ZFAND1: variants seen among roughly 807,000 people sequenced by gnomAD.
ZFAND1 encodes zinc finger AN1-type containing 1.
In ZFAND1, 40 loss-of-function variants were observed where a neutral mutation model predicts 38.5. The observed-to-expected ratio is 1.04, with a 90% CI of 0.81 to 1.35. The LOEUF is 1.35. Ranked by LOEUF, ZFAND1 falls within the 40% of genes most tolerant of loss-of-function variation. The pLI, the probability that ZFAND1 is intolerant of heterozygous loss-of-function variation, is 0.00. For missense variants in ZFAND1, 346 were observed against 316.3 expected, an observed-to-expected ratio of 1.09 and a Z score of -0.71; for synonymous variants, 117 against 103.6, an observed-to-expected ratio of 1.13 and a Z score of -0.78.
At position 81,721,260 on chromosome 8, in the gene ZFAND1, G is replaced by C; in HGVS notation, c.22C>G (p.Gln8Glu). 6.5e-7 allele frequency: 1 copy of C among 1,549,310 alleles called. No individual in the cohort carries two copies. The highest frequency in any genetic ancestry group is 8.7e-7 in the Non-Finnish European group (1 of 1,147,200). MAELDIG[Q>E]HCQVEHCRQR... The stretch of plus-strand genomic sequence containing the variant: ...CGGCAATGCTCCACCTGGCAGTGCT[G>C]CCCGATGTCCAACTCCGCCATCTCT... The change falls in exon 1 of 8, where the codon CAG (glutamine) becomes GAG (glutamate). Residue 8 changes from glutamine (Q) to glutamate (E), a missense_variant. Coordinates refer to ENST00000220669, the MANE Select transcript of ZFAND1 (RefSeq NM_024699.3).
intron 6 of ZFAND1, among the ~76,000 whole-genome samples, chr8:81,713,253 G>A (rs1053243137): frequency 7.1e-5 from 7 of 98,216 alleles, no homozygotes; most frequent in African/African-American, 2.2e-4. Flanking sequence ...GTCCCGAGTA[G>A]CTGGGACTAC....
intron 6 of ZFAND1, among the ~76,000 whole-genome samples, chr8:81,706,709 A>T (rs73694710): frequency 0.056 from 8,554 of 152,120 alleles, 355 homozygotes; most frequent in African/African-American, 0.11. Context: ...GTTAATGAGG[A>T]ATAATTTTTA....
chr8:81,709,980 T>C (rs771526375), intron 6 of ZFAND1, among the ~76,000 whole-genome samples: 3 of 152,242 alleles, frequency 2.0e-5, no homozygotes, highest in Non-Finnish European at 4.4e-5. Flanking sequence ...AATAGAAGAA[T>C]TGCAAAGTAA....
At chr8:81,709,996 G>C (rs1808091466) in intron 6 of ZFAND1, among the ~76,000 whole-genome samples, 1 of 152,204 alleles carries the variant, frequency 6.6e-6, no homozygotes, top group Non-Finnish European at 1.5e-5. Context: ...AGTAATGTAA[G>C]TATTACTGAA....
rs1807825830 is a variant in ZFAND1, at chr8:81,701,958, A to T, written c.*737T>A. On this transcript the variant is annotated 3_prime_UTR_variant, in exon 8 of 8. Transcript: ENST00000220669. ...CTTTGGTATATAATGAAGTTGAGCT[A>T]TCCCATCTTTCTTCTCTATGGAATA... 1 of 152,234 alleles carries T rather than the reference A, an allele frequency of 6.6e-6. No individual in the cohort carries two copies. The highest frequency in any genetic ancestry group is 2.4e-5 in the African/African-American group (1 of 41,468). 9.4% of individuals were successfully genotyped at this position (152,234 alleles called of 1,614,324 possible). A position where few individuals can be genotyped will look rare whatever the true frequency, so the allele number is the denominator to read the frequency against.
intron 6 of ZFAND1, among the ~76,000 whole-genome samples, 162 bp from the exon 7 acceptor site, chr8:81,703,286 TG>T (rs1340909258): frequency 6.6e-6 from 1 of 152,106 alleles, no homozygotes. Flanking sequence ...CACACATAAA[TG>T]CATGGGCATA....
intron 6 of ZFAND1, among the ~76,000 whole-genome samples, chr8:81,705,143 CAG>C (rs1203640733): frequency 6.6e-6 from 1 of 152,082 alleles, no homozygotes; most frequent in Admixed American, 6.5e-5. Flanking sequence ...TGCTCGGAAG[CAG>C]AGGAGTGTGT....
At chr8:81,707,877 C>T (rs1808027957) in intron 6 of ZFAND1, among the ~76,000 whole-genome samples, 1 of 151,960 alleles carries the variant, frequency 6.6e-6, no homozygotes, top group Non-Finnish European at 1.5e-5. Context: ...GCAAAACTAC[C>T]TAAACAACTG....
At chr8:81,717,801 G>C (rs989218002) in intron 2 of ZFAND1, among the ~76,000 whole-genome samples, 2 of 151,930 alleles carry the variant, frequency 1.3e-5, no homozygotes, top group South Asian at 4.1e-4. Flanking sequence ...GTTTTACTTG[G>C]CATGTAATGT....
intron 3 of ZFAND1, among the ~76,000 whole-genome samples, chr8:81,715,848 T>C (rs1808292936): frequency 6.6e-6 from 1 of 152,182 alleles, no homozygotes; most frequent in Non-Finnish European, 1.5e-5. Context: ...TAATGATGTT[T>C]CAATATTTAA....
intron 2 of ZFAND1, 49 bp downstream of exon 2, chr8:81,718,133 T>C: frequency 7.1e-7 from 1 of 1,417,708 alleles, no homozygotes. Flanking sequence ...AACCTCATAT[T>C]AATAAACACT....
chr8:81,712,837 C>T (rs986892443), intron 6 of ZFAND1, among the ~76,000 whole-genome samples: 4 of 152,034 alleles, frequency 2.6e-5, no homozygotes, highest in African/African-American at 9.7e-5. Flanking sequence ...ATAATTTCAC[C>T]GAACAGGGCA....
chr8:81,702,657 A>C lies in ZFAND1; in HGVS notation c.*38T>G. On this transcript the variant is annotated 3_prime_UTR_variant, in exon 8 of 8. Coordinates refer to ENST00000220669, the MANE Select transcript of ZFAND1 (RefSeq NM_024699.3). ...ATAAATGGACTTAAACATGTAATAGAATTTTCCCTGTGATTTCTGACTTGA... is the reference window on the plus strand; with the variant it reads ...ATAAATGGACTTAAACATGTAATAGCATTTTCCCTGTGATTTCTGACTTGA... 1 of 1,390,196 alleles carries C rather than the reference A, an allele frequency of 7.2e-7. No homozygotes were observed. The highest frequency in any genetic ancestry group is 9.4e-7 in the Non-Finnish European group (1 of 1,060,142). The allele number at this position is 1,390,196 out of a possible 1,614,324, so 86.1% of individuals were successfully genotyped here.
At chr8:81,703,213 A>G in intron 6 of ZFAND1, 89 bp from the exon 7 acceptor site, 1 of 918,734 alleles carries the variant, frequency 1.1e-6, no homozygotes. Flanking sequence ...TCTTCTGGTC[A>G]GAGCAGAATT....
At chr8:81,705,398 A>G (rs1462100600) in intron 6 of ZFAND1, among the ~76,000 whole-genome samples, 2 of 152,356 alleles carry the variant, frequency 1.3e-5, no homozygotes, top group African/African-American at 4.8e-5. Context: ...AGGATGCACA[A>G]TTAGATAAAA....
At chr8:81,711,442 A>C (rs1808138951) in intron 6 of ZFAND1, among the ~76,000 whole-genome samples, 1 of 152,120 alleles carries the variant, frequency 6.6e-6, no homozygotes, top group Non-Finnish European at 1.5e-5. Context: ...TAAAATCAAT[A>C]AATTACCATT....
At chr8:81,716,909 T>G (rs1281602957) in intron 3 of ZFAND1, among the ~76,000 whole-genome samples, 1 of 152,132 alleles carries the variant, frequency 6.6e-6, no homozygotes, top group Non-Finnish European at 1.5e-5. Context: ...ATCGTACCAC[T>G]GCACTCCAGC....
At chr8:81,709,631 A>G (rs1294560062) in intron 6 of ZFAND1, among the ~76,000 whole-genome samples, 1 of 152,172 alleles carries the variant, frequency 6.6e-6, no homozygotes, top group African/African-American at 2.4e-5. Context: ...TGTATATATT[A>G]TACATGTATG....
rs762932414 is a variant in ZFAND1, at chr8:81,715,083, T to A, written c.170A>T (p.Asp57Val). 1 of 1,614,054 alleles carries A rather than the reference T, an allele frequency of 6.2e-7. No individual in the cohort carries two copies. Reference protein sequence around the residue: ...VTVINERLKTDQHTSYPCSFK... With the variant: ...VTVINERLKTVQHTSYPCSFK... ...AGAGCATGGGTAAGATGTATGTTGA[T>A]CTGTCTTCAGTCTCTCATTGATTAC... is the stretch of plus-strand genomic sequence containing the variant. The change falls in exon 4 of 8, where the codon GAT becomes GTT. Residue 57 changes from aspartate (D) to valine (V), a missense_variant. Asp to Val is a radical substitution (Grantham distance 152, BLOSUM62 -3). Coordinates refer to ENST00000220669, the MANE Select transcript of ZFAND1 (RefSeq NM_024699.3).
Sources: gnomAD v4.1 joint callset for allele counts (sites outside exome capture counted in the v4.1 genomes callset) on GRCh38, gnomAD v4.1.1 for gene constraint, MANE v1.5 for transcripts, NCBI Gene and HGNC (gene_info 2026-07-23, HGNC 2026-07-21) for gene names.